ZSCAN5A: variants seen among roughly 807,000 people sequenced by gnomAD.
ZSCAN5A encodes zinc finger and SCAN domain containing 5A.
A neutral mutation model predicts 23.7 loss-of-function variants in ZSCAN5A; 12 were observed. The ratio of observed to expected loss-of-function variants is 0.51; its 90% CI spans 0.32 to 0.82. The LOEUF (loss-of-function observed/expected upper bound fraction) is 0.82, where lower values mean the gene tolerates loss of function less well. Among genes scored for constraint, ZSCAN5A ranks in the 40% least tolerant of loss-of-function variants. The probability of loss-of-function intolerance (pLI) is 0.03; values close to 1 mark genes in which losing one functional copy is unlikely to be tolerated. For missense variants in ZSCAN5A, 597 were observed against 617.9 expected, an observed-to-expected ratio of 0.97 and a Z score of 0.36; for synonymous variants, 257 against 239.9, an observed-to-expected ratio of 1.07 and a Z score of -0.66.
At chr19:56,302,174 G>A (rs1028141633) in intron 2 of ZSCAN5A, 29 of 1,087,770 alleles carry the variant, frequency 2.7e-5, no homozygotes, top group African/African-American at 1.1e-4. Context: ...CAGAGGAAGC[G>A]AAGGAGGGTG....
chr19:56,287,001 T>C (rs1305209683), intron 2 of ZSCAN5A, among the ~76,000 whole-genome samples: 1 of 152,260 alleles, frequency 6.6e-6, no homozygotes, highest in Non-Finnish European at 1.5e-5. Context: ...TGTGAGATTA[T>C]GATAAAATGC....
At chr19:56,285,682 T>C (rs754149558) in intron 2 of ZSCAN5A, among the ~76,000 whole-genome samples, 1 of 152,230 alleles carries the variant, frequency 6.6e-6, no homozygotes, top group Non-Finnish European at 1.5e-5. Context: ...AATTTCACTA[T>C]GTCGGCCAGG....
At chr19:56,301,471 T>C (rs1213423026) in intron 2 of ZSCAN5A, among the ~76,000 whole-genome samples, 2 of 152,160 alleles carry the variant, frequency 1.3e-5, no homozygotes, top group African/African-American at 2.4e-5. Context: ...CAGAGGTCAC[T>C]TGAATCGCTA....
At chr19:56,303,334 C>T (rs541709922) in intron 2 of ZSCAN5A, among the ~76,000 whole-genome samples, 24 of 152,046 alleles carry the variant, frequency 1.6e-4, no homozygotes, top group Admixed American at 1.0e-3. Flanking sequence ...AAAAAATAGC[C>T]GGGCATGGTG....
At chr19:56,323,685 C>T (rs777552285) in intron 2 of ZSCAN5A, among the ~76,000 whole-genome samples, 18 of 151,912 alleles carry the variant, frequency 1.2e-4, no homozygotes, top group Admixed American at 3.3e-4. Flanking sequence ...TACAGGCATG[C>T]GCCACCACAG....
At chr19:56,232,186 G>A (rs1311762165) in intron 2 of ZSCAN5A, among the ~76,000 whole-genome samples, 1 of 151,716 alleles carries the variant, frequency 6.6e-6, no homozygotes, top group Non-Finnish European at 1.5e-5. Flanking sequence ...ACATTGCCTA[G>A]GCTGATCTTG....
chr19:56,245,054 A>G (rs1341669244), intron 2 of ZSCAN5A, among the ~76,000 whole-genome samples: 1 of 152,080 alleles, frequency 6.6e-6, no homozygotes, highest in East Asian at 1.9e-4. Flanking sequence ...ACTTATGTAG[A>G]AAAGGAAAAA....
chr19:56,251,953 A>G (rs1362160615), intron 2 of ZSCAN5A, among the ~76,000 whole-genome samples: 1 of 152,190 alleles, frequency 6.6e-6, no homozygotes, highest in Non-Finnish European at 1.5e-5. Context: ...CAAAACCTAA[A>G]ATATATATTC....
At chr19:56,290,133 T>C (rs925971732) in intron 2 of ZSCAN5A, among the ~76,000 whole-genome samples, 1 of 152,256 alleles carries the variant, frequency 6.6e-6, no homozygotes, top group African/African-American at 2.4e-5. Flanking sequence ...CTGGACCTTC[T>C]GCATGAGAAT....
intron 2 of ZSCAN5A, among the ~76,000 whole-genome samples, chr19:56,302,437 TTCC>T (rs752688779): frequency 2.2e-5 from 3 of 138,684 alleles, no homozygotes; most frequent in Admixed American, 7.1e-5. Context: ...TCTCCCTTCC[TTCC>T]TTTCTTCCTC....
chr19:56,285,715 G>A (rs373022868), intron 2 of ZSCAN5A, among the ~76,000 whole-genome samples: 4 of 152,078 alleles, frequency 2.6e-5, no homozygotes, highest in East Asian at 1.9e-4. Flanking sequence ...TCCTGACCTC[G>A]TGATCCGCCC....
At chr19:56,233,778 C>T (rs907749183) in intron 2 of ZSCAN5A, among the ~76,000 whole-genome samples, 10 of 151,918 alleles carry the variant, frequency 6.6e-5, no homozygotes, top group African/African-American at 2.4e-4. Context: ...ACTGTATCAG[C>T]ATGTGTGTTA....
At chr19:56,323,041 C>T (rs1383157423) in intron 2 of ZSCAN5A, among the ~76,000 whole-genome samples, 8 of 151,000 alleles carry the variant, frequency 5.3e-5, no homozygotes, top group Non-Finnish European at 1.0e-4. Flanking sequence ...ATTACAGGTG[C>T]CCGCCACCAC....
chr19:56,348,199 G>A (rs1330785959), intron 2 of ZSCAN5A: 5 of 152,212 alleles, frequency 3.3e-5, no homozygotes, highest in Non-Finnish European at 5.9e-5. Context: ...TTAAAGGAAG[G>A]AAAGTAAACC....
intron 2 of ZSCAN5A, among the ~76,000 whole-genome samples, chr19:56,227,842 C>T (rs531320542): frequency 6.6e-6 from 1 of 152,086 alleles, no homozygotes; most frequent in Admixed American, 6.5e-5. Context: ...ATGCTAGAGC[C>T]CAGGAGTTCA....
chr19:56,300,424 A>C (rs1211552902), intron 2 of ZSCAN5A, among the ~76,000 whole-genome samples: 1 of 152,206 alleles, frequency 6.6e-6, no homozygotes, highest in African/African-American at 2.4e-5. Flanking sequence ...GGGAAAAATA[A>C]ACTTCTAGTA....
chr19:56,250,418 G>A (rs756692041), intron 2 of ZSCAN5A, among the ~76,000 whole-genome samples: 4 of 152,130 alleles, frequency 2.6e-5, no homozygotes, highest in Non-Finnish European at 5.9e-5. Context: ...CTGTAACCTC[G>A]TGGCCCTCAA....
chr19:56,321,710 A>G lies in ZSCAN5A; in HGVS notation c.-357-5442T>C, dbSNP rs183023333. 402 of 1,411,548 alleles carry G rather than the reference A, an allele frequency of 2.8e-4. 2 individuals carry two copies. In the East Asian group the frequency reaches 8.1e-3, roughly 28 times the overall value. 87.4% of individuals were successfully genotyped at this position (1,411,548 alleles called of 1,614,324 possible). On this transcript the variant is annotated intron_variant, in intron 2 of 6. Transcript: ENST00000587340. ...CTTCTGGAGCATTGGGAAATGTTCA[A>G]GGGCTCTTGATTTGCTGAGGACATA...
At chr19:56,228,293 G>A (rs1271979487) in intron 2 of ZSCAN5A, 3 of 985,350 alleles carry the variant, frequency 3.0e-6, no homozygotes, top group East Asian at 1.1e-4. Flanking sequence ...GGTCTGGGAT[G>A]CGCTCTCCAA....
Sources: gnomAD v4.1 joint callset for allele counts (sites outside exome capture counted in the v4.1 genomes callset) on GRCh38, gnomAD v4.1.1 for gene constraint, MANE v1.5 for transcripts, NCBI Gene and HGNC (gene_info 2026-07-23, HGNC 2026-07-21) for gene names.